The following ZBTB20 variants were observed in gnomAD, a reference collection of about 807,000 sequenced individuals.
The protein encoded by ZBTB20 is zinc finger and BTB domain-containing protein 20.
In ZBTB20, 9 loss-of-function variants were observed where a neutral mutation model predicts 56.9. The observed-to-expected ratio is 0.16, with a 90% CI of 0.10 to 0.28. The LOEUF (loss-of-function observed/expected upper bound fraction) is 0.28, where lower values mean the gene tolerates loss of function less well. ZBTB20 is among the 10% of genes least tolerant of loss of function. The pLI, the probability that ZBTB20 is intolerant of heterozygous loss-of-function variation, is 1.00. For synonymous variants in ZBTB20, 417 were observed against 420.7 expected, an observed-to-expected ratio of 0.99 and a Z score of 0.11; for missense variants, 655 against 1,003.0, an observed-to-expected ratio of 0.65 and a Z score of 4.69.
At chr3:114,739,346 C>A (rs892741517) in intron 5 of ZBTB20, among the ~76,000 whole-genome samples, 11 of 152,168 alleles carry the variant, frequency 7.2e-5, no homozygotes, top group African/African-American at 2.7e-4. Flanking sequence ...TTGTGTCAAA[C>A]CTTAGATAAT....
In ZBTB20 at chr3:114,939,027, G is replaced by A. The variant is rs1332963675; in HGVS notation, c.-456+35339C>T. ...TATTCCTGACATGTTCAGTCACTCG[G>A]TGGAAGCAGCCCCAAAGAAGGATGG... is the stretch of plus-strand genomic sequence containing the variant. On this transcript the variant is annotated intron_variant, in intron 3 of 11. Transcript: ENST00000675478. Among the ~76,000 whole-genome samples the A allele has an allele frequency of 1.4e-5, 2 of 145,286 alleles. 1 individual carries two copies. The highest frequency in any genetic ancestry group is 5.7e-5 in the African/African-American group (2 of 35,096).
Position 114,778,080 on chromosome 3 carries a change from C to T in ZBTB20, c.-343+23021G>A, listed in dbSNP as rs1469857338. Among the ~76,000 whole-genome samples, 5 of 117,722 alleles carry T rather than the reference C, an allele frequency of 4.2e-5. No homozygotes were observed. In the Admixed American group the frequency reaches 4.7e-4, roughly 11 times the overall value. 77.2% of individuals were successfully genotyped at this position (117,722 alleles called of 152,430 possible). On this transcript the variant is annotated intron_variant, in intron 5 of 11. Coordinates refer to ENST00000675478, the MANE Select transcript of ZBTB20 (RefSeq NM_001348800.3). ...TGGACACAGGAAGGGGAACATCACA[C>T]ACTGGGGACTGTTGTGGGGTGGGGG...
rs2078774579 is a variant in ZBTB20, at chr3:114,318,467, GGCAGTGTTA to G, written c.*20529_*20537del. The G allele has an allele frequency of 2.6e-5, 4 of 152,398 alleles. No individual in the cohort carries two copies. Among genetic ancestry groups the G allele is most frequent in the Admixed American group, 2.6e-4 (4 of 15,272 alleles). The allele number at this position is 152,398 out of a possible 1,614,324, so 9.4% of individuals were successfully genotyped here. A position where few individuals can be genotyped will look rare whatever the true frequency, so the allele number is the denominator to read the frequency against. On this transcript the variant is annotated 3_prime_UTR_variant, in exon 12 of 12. Coordinates refer to ENST00000675478, the MANE Select transcript of ZBTB20 (RefSeq NM_001348800.3). ...GGAGACAGGAGGCGTGCTCTCCTCA[GGCAGTGTTA>G]GCAGTGTGCTCTCTTGGCAGCCTCA...
chr3:115,115,931 A>T (rs1298320264), intron 1 of ZBTB20, among the ~76,000 whole-genome samples: 6 of 152,108 alleles, frequency 3.9e-5, no homozygotes, highest in Non-Finnish European at 7.4e-5. Context: ...AGACTTCTTG[A>T]TTATTATTTT....
At chr3:114,365,495 G>C (rs1468009825) in intron 10 of ZBTB20, among the ~76,000 whole-genome samples, 1 of 152,144 alleles carries the variant, frequency 6.6e-6, no homozygotes, top group Non-Finnish European at 1.5e-5. Context: ...AGGAGCTTGG[G>C]AACACAGTGT....
chr3:114,341,400 G>A (rs775927275), intron 11 of ZBTB20, among the ~76,000 whole-genome samples: 1 of 152,140 alleles, frequency 6.6e-6, no homozygotes, highest in South Asian at 2.1e-4. Flanking sequence ...ACGATTTATA[G>A]AGGCTATGAT....
chr3:115,114,135 C>G (rs1415940542), intron 1 of ZBTB20, among the ~76,000 whole-genome samples: 1 of 152,242 alleles, frequency 6.6e-6, no homozygotes, highest in South Asian at 2.1e-4. Context: ...ACATTTTGCT[C>G]TTACTGAAGA....
At chr3:115,085,963 C>A (rs1350930941) in intron 1 of ZBTB20, among the ~76,000 whole-genome samples, 2 of 151,858 alleles carry the variant, frequency 1.3e-5, no homozygotes, top group African/African-American at 4.8e-5. Context: ...TTTTTAAAAG[C>A]ACCTAAATAT....
At chr3:114,779,073 G>A (rs1034371128) in intron 5 of ZBTB20, among the ~76,000 whole-genome samples, 7 of 152,094 alleles carry the variant, frequency 4.6e-5, no homozygotes, top group Non-Finnish European at 8.8e-5. Context: ...GGGACTCAAG[G>A]CAGTTCAAAT....
intron 5 of ZBTB20, among the ~76,000 whole-genome samples, chr3:114,746,002 G>C (rs1245078883): frequency 1.3e-5 from 2 of 152,056 alleles, no homozygotes; most frequent in African/African-American, 4.8e-5. Flanking sequence ...ATGAACACTG[G>C]GCCTATGGCG....
chr3:114,531,563 A>G (rs944368953), intron 6 of ZBTB20, among the ~76,000 whole-genome samples: 6 of 152,226 alleles, frequency 3.9e-5, no homozygotes, highest in Non-Finnish European at 8.8e-5. Flanking sequence ...GAGCTTTCTC[A>G]CAATCAGGAC....
chr3:114,673,042 G>T (rs1000566202), intron 6 of ZBTB20, among the ~76,000 whole-genome samples: 2 of 152,084 alleles, frequency 1.3e-5, no homozygotes, highest in South Asian at 4.1e-4. Context: ...ACCTTGTCTT[G>T]TGTCAGGATT....
At chr3:114,662,540 A>G (rs2060797827) in intron 6 of ZBTB20, among the ~76,000 whole-genome samples, 1 of 142,698 alleles carries the variant, frequency 7.0e-6, no homozygotes, top group Non-Finnish European at 1.5e-5. Context: ...AAGTGTTCCT[A>G]TTTCTCCACA....
At chr3:114,960,580 G>A (rs2077411290) in intron 3 of ZBTB20, among the ~76,000 whole-genome samples, 1 of 152,168 alleles carries the variant, frequency 6.6e-6, no homozygotes, top group Non-Finnish European at 1.5e-5. Context: ...GGGATGTGTT[G>A]AGTATTATAT....
chr3:114,723,884 T>G (rs76754813), intron 5 of ZBTB20, among the ~76,000 whole-genome samples: 2 of 152,104 alleles, frequency 1.3e-5, no homozygotes, highest in Non-Finnish European at 2.9e-5. Flanking sequence ...CTTTTTTTTT[T>G]CTTAGACGGA....
chr3:114,617,121 A>G (rs2057993924), intron 6 of ZBTB20, among the ~76,000 whole-genome samples: 1 of 152,090 alleles, frequency 6.6e-6, no homozygotes, highest in Non-Finnish European at 1.5e-5. Context: ...GTATCACACA[A>G]TTTCATCATT....
chr3:115,137,999 C>T (rs1018165881), intron 1 of ZBTB20, among the ~76,000 whole-genome samples: 3 of 152,060 alleles, frequency 2.0e-5, no homozygotes, highest in African/African-American at 7.2e-5. Flanking sequence ...CTCAGTGACC[C>T]ATATTTAAGC....
rs548315870 is a variant in ZBTB20 at position 115,146,028 on chromosome 3, A to C, written c.-703+1191T>G. On this transcript the variant is annotated intron_variant, in intron 1 of 11. Coordinates refer to ENST00000675478, the MANE Select transcript of ZBTB20 (RefSeq NM_001348800.3). ...TTTTTAATAGAAAAAACAGTGGAGA[A>C]GATTTTCACATGTCTAGAAAGGTAA... is the stretch of plus-strand genomic sequence containing the variant. 1.8e-4 allele frequency among the ~76,000 whole-genome samples: 27 copies of C among 152,312 alleles called. No homozygotes were observed. The South Asian group carries it at 5.2e-3, about 29-fold the overall frequency.
At chr3:114,378,307 C>T (rs1016832709) in intron 10 of ZBTB20, among the ~76,000 whole-genome samples, 4 of 152,164 alleles carry the variant, frequency 2.6e-5, no homozygotes, top group Non-Finnish European at 4.4e-5. Flanking sequence ...TCAATTTAAA[C>T]AACAGGTTGG....
Sources: gnomAD v4.1 joint callset for allele counts (sites outside exome capture counted in the v4.1 genomes callset) on GRCh38, gnomAD v4.1.1 for gene constraint, MANE v1.5 for transcripts, NCBI Gene and HGNC (gene_info 2026-07-23, HGNC 2026-07-21) for gene names.